The following ALDH1A1 variants were observed in gnomAD, a reference collection of about 807,000 sequenced individuals.
ALDH1A1 encodes the protein aldehyde dehydrogenase 1 family member A1, also known as aldehyde dehydrogenase 1A1.
In ALDH1A1, 19 loss-of-function variants were observed where a neutral mutation model predicts 62.1. That is an observed-to-expected ratio of 0.31 (90% CI 0.21 to 0.45). The LOEUF (loss-of-function observed/expected upper bound fraction) is 0.45, where lower values mean the gene tolerates loss of function less well. Ranked by LOEUF, ALDH1A1 falls within the 20% of genes least tolerant of loss-of-function variation. The probability of loss-of-function intolerance (pLI) is 1.00; values close to 1 mark genes in which losing one functional copy is unlikely to be tolerated. For missense variants in ALDH1A1, 521 were observed against 607.1 expected (o/e 0.86, Z 1.49); for synonymous variants, 231 against 215.9 (o/e 1.07, Z -0.61).
intron 9 of ALDH1A1, 34 bp downstream of exon 9, chr9:72,916,886 C>T (rs759196939): frequency 1.3e-6 from 2 of 1,506,820 alleles, no homozygotes; most frequent in African/African-American, 1.4e-5. Flanking sequence ...ATTCCTGTGC[C>T]CTGAAAATGC....
At position 72,923,914 on chromosome 9, in the gene ALDH1A1, G is replaced by T. The variant is rs927711997; in HGVS notation, c.747+105C>A. On this transcript the variant is annotated intron_variant, in intron 7 of 12. Transcript: ENST00000297785. ...AAAATAAGTAACAAATCATTAAAAA[G>T]AGTTTTTGTTTTAAAATTGTTGGCT... is the stretch of plus-strand genomic sequence containing the variant. 3.0e-5 allele frequency: 21 copies of T among 693,140 alleles called. No homozygotes were observed. The East Asian group carries it at 6.0e-4, about 20-fold the overall frequency. 42.9% of individuals were successfully genotyped at this position (693,140 alleles called of 1,614,324 possible). A position where few individuals can be genotyped will look rare whatever the true frequency, so the allele number is the denominator to read the frequency against.
At chr9:72,947,945 C>A (rs1266200197) in intron 1 of ALDH1A1, among the ~76,000 whole-genome samples, 1 of 151,810 alleles carries the variant, frequency 6.6e-6, no homozygotes. Context: ...ACAGAATGAT[C>A]ATATAATTCT....
chr9:72,948,121 A>G lies in ALDH1A1; in HGVS notation c.66+4814T>C, dbSNP rs1830495799. ...AGGAACTGAAGCTCCAGGGGATGAG[A>G]AGCTTGGCCAAGGTCATATAATTAA... is the stretch of plus-strand genomic sequence containing the variant. On this transcript the variant is annotated intron_variant, in intron 1 of 12. Transcript: ENST00000297785. Among the ~76,000 whole-genome samples, 3 of 151,872 alleles carry G rather than the reference A, an allele frequency of 2.0e-5. No homozygotes were observed. The South Asian group carries it at 6.2e-4, about 31-fold the overall frequency.
At chr9:72,915,189 T>C (rs1301603715) in intron 9 of ALDH1A1, among the ~76,000 whole-genome samples, 1 of 152,164 alleles carries the variant, frequency 6.6e-6, no homozygotes, top group Non-Finnish European at 1.5e-5. Context: ...GATCACTGGA[T>C]TATTTACTTT....
At chr9:72,908,532 AAAGAAAG>A (rs1395220785) in intron 11 of ALDH1A1, among the ~76,000 whole-genome samples, 2 of 141,464 alleles carry the variant, frequency 1.4e-5, no homozygotes, top group Non-Finnish European at 3.0e-5. Flanking sequence ...AGAAAGAAAG[AAAGAAAG>A]AAAGAAAAGA....
intron 2 of ALDH1A1, among the ~76,000 whole-genome samples, chr9:72,931,706 G>A (rs1451002559): frequency 6.6e-6 from 1 of 152,146 alleles, no homozygotes; most frequent in African/African-American, 2.4e-5. Context: ...CTTGTGCAGA[G>A]GGAACAGGGC....
intron 1 of ALDH1A1, 53 bp from the exon 2 acceptor site, chr9:72,940,305 T>G (rs1054895056): frequency 7.1e-7 from 1 of 1,401,868 alleles, no homozygotes; most frequent in African/African-American, 1.4e-5. Context: ...GCAGAAAATT[T>G]TGGAAGTTTT....
At chr9:72,924,902 A>G (rs1830185361) in intron 6 of ALDH1A1, among the ~76,000 whole-genome samples, 1 of 152,242 alleles carries the variant, frequency 6.6e-6, no homozygotes, top group African/African-American at 2.4e-5. Context: ...GTATATTAAC[A>G]CAATCTAGAT....
intron 12 of ALDH1A1, among the ~76,000 whole-genome samples, chr9:72,904,904 T>A (rs983169626): frequency 1.3e-5 from 2 of 152,178 alleles, no homozygotes; most frequent in African/African-American, 2.4e-5. Flanking sequence ...GAACATGGTG[T>A]CATGTCTCTG....
At chr9:72,917,766 T>TTCAG (rs1275618083) in intron 8 of ALDH1A1, among the ~76,000 whole-genome samples, 4 of 152,218 alleles carry the variant, frequency 2.6e-5, no homozygotes, top group African/African-American at 9.6e-5. Context: ...AATAGGTTGC[T>TTCAG]TCCTTAGTAG....
At position 72,931,158 on chromosome 9, in the gene ALDH1A1, C is replaced by T. The variant is rs377705461; in HGVS notation, c.172-139G>A. ...CATTATCCCAAAGTCTAACACATTG[C>T]GCACATTCAACTACTGTATGTTGGA... On this transcript the variant is annotated intron_variant, in intron 2 of 12. Transcript: ENST00000297785. 4.8e-5 allele frequency: 41 copies of T among 856,116 alleles called. No individual in the cohort carries two copies. The African/African-American group carries it at 5.7e-4, about 12-fold the overall frequency. The allele number at this position is 856,116 out of a possible 1,614,324, so 53.0% of individuals were successfully genotyped here.
chr9:72,926,438 T>G (rs980766681), intron 5 of ALDH1A1, among the ~76,000 whole-genome samples: 6 of 152,312 alleles, frequency 3.9e-5, no homozygotes, highest in Middle Eastern at 3.4e-3. Context: ...TACCATTTTT[T>G]TGTTTGGCCT....
intron 5 of ALDH1A1, 41 bp downstream of exon 5, chr9:72,927,075 C>T: frequency 3.5e-6 from 5 of 1,427,874 alleles, no homozygotes; most frequent in Non-Finnish European, 3.9e-6. Flanking sequence ...AATAAGAACT[C>T]TTCTTTTTAA....
Position 72,901,232 on chromosome 9 carries a change from C to T in ALDH1A1, c.1482G>A (p.Val494=), listed in dbSNP as rs1345038694. 2 of 1,610,312 alleles carry T rather than the reference C, an allele frequency of 1.2e-6. No homozygotes were observed. Among genetic ancestry groups the T allele is most frequent in the South Asian group, 1.1e-5 (1 of 90,948 alleles). Residue 494 remains valine (V), a synonymous_variant, in exon 13 of 13, where the codon GTG becomes GTA. Coordinates refer to ENST00000297785, the MANE Select transcript of ALDH1A1 (RefSeq NM_000689.5). ...TTTATGAGTTCTTCTGAGAGATTTT[C>T]ACTGTGACTGTTTTGACCTCTGTAT... is the stretch of plus-strand genomic sequence containing the variant. ...HEYTEVKTVT[V]KISQKNS is the part of the protein sequence containing the mutation.
chr9:72,923,014 A>C (rs1830162027), intron 7 of ALDH1A1, among the ~76,000 whole-genome samples: 1 of 152,190 alleles, frequency 6.6e-6, no homozygotes, highest in Non-Finnish European at 1.5e-5. Context: ...TTTATTCTGG[A>C]GTAAATAATT....
chr9:72,943,126 G>A (rs1035381961), intron 1 of ALDH1A1, among the ~76,000 whole-genome samples: 2 of 152,022 alleles, frequency 1.3e-5, no homozygotes, highest in Non-Finnish European at 2.9e-5. Context: ...TAAACTAAGG[G>A]AACACAGATT....
Position 72,924,150 on chromosome 9 carries a change from TA to T in ALDH1A1, c.634-19del. On this transcript the variant is annotated intron_variant, in intron 6 of 12. Coordinates refer to ENST00000297785, the MANE Select transcript of ALDH1A1 (RefSeq NM_000689.5). ...AACCCTGCCTAAAAGATAAAAAGTT[TA>T]AAAGTTACAGTATAAGAATTTAATT... 1 of 1,560,900 alleles carries T rather than the reference TA, an allele frequency of 6.4e-7. No homozygotes were observed. Among genetic ancestry groups the T allele is most frequent in the Non-Finnish European group, 8.8e-7 (1 of 1,141,900 alleles).
intron 1 of ALDH1A1, among the ~76,000 whole-genome samples, chr9:72,941,502 G>T (rs972627148): frequency 2.0e-5 from 3 of 151,866 alleles, no homozygotes; most frequent in Admixed American, 1.3e-4. Flanking sequence ...ACTTCCATTG[G>T]ACAATTTGTC....
chr9:72,922,171 G>A (rs999864214), intron 7 of ALDH1A1, among the ~76,000 whole-genome samples: 6 of 152,088 alleles, frequency 3.9e-5, no homozygotes, highest in African/African-American at 1.2e-4. Flanking sequence ...TCAGTAGGGT[G>A]ATAAATGTTT....
Sources: allele counts gnomAD v4.1 joint callset (sites outside exome capture counted in the v4.1 genomes callset), GRCh38; gene constraint gnomAD v4.1.1; transcripts MANE v1.5; gene names NCBI Gene and HGNC (gene_info 2026-07-23, HGNC 2026-07-21).